Variants in MYO7B observed in about 807,000 individuals in gnomAD.
MYO7B encodes unconventional myosin-VIIb.
Under a neutral mutation model 259.7 loss-of-function variants are expected in MYO7B, and 212 were observed. The ratio of observed to expected loss-of-function variants is 0.82; its 90% CI spans 0.73 to 0.91. The LOEUF is 0.91. MYO7B is among the 40% of genes least tolerant of loss of function. MYO7B has a pLI of 0.00. For missense variants in MYO7B, 2,732 were observed against 2,813.5 expected (o/e 0.97, Z 0.66); for synonymous variants, 1,197 against 1,166.4 (o/e 1.03, Z -0.54).
Position 127,539,979 on chromosome 2 carries a change from C to T in MYO7B, c.-24+4148C>T, listed in dbSNP as rs1169869903. Among the ~76,000 whole-genome samples, 1 of 152,202 alleles carries T rather than the reference C, an allele frequency of 6.6e-6. No individual in the cohort carries two copies. Among genetic ancestry groups the T allele is most frequent in the Non-Finnish European group, 1.5e-5 (1 of 68,024 alleles). On this transcript the variant is annotated intron_variant, in intron 1 of 47. Transcript: ENST00000409816. The surrounding 1 kb of genome is among the most constrained non-coding windows in gnomAD (Gnocchi z 4.0). Reference sequence around the variant, plus strand: ...CTTCACTTAGAATAATGGCCTCCAGCTCCATCCAAGTAGCTGCCCAAGACA... The same window carrying T: ...CTTCACTTAGAATAATGGCCTCCAGTTCCATCCAAGTAGCTGCCCAAGACA...
chr2:127,553,662 A>G (rs939620183), intron 1 of MYO7B, among the ~76,000 whole-genome samples: 17 of 152,176 alleles, frequency 1.1e-4, no homozygotes, highest in African/African-American at 3.6e-4. Flanking sequence ...TTTTGGAGGA[A>G]TCTTTAGGGT....
At chr2:127,557,378 A>C (rs1677873614) in intron 1 of MYO7B, among the ~76,000 whole-genome samples, 1 of 151,912 alleles carries the variant, frequency 6.6e-6, no homozygotes, top group East Asian at 1.9e-4. Flanking sequence ...TTAATAATTG[A>C]CCTTCTGAAT....
Position 127,559,588 on chromosome 2 carries a change from C to T in MYO7B, c.-23-112C>T. The T allele has an allele frequency of 1.1e-6, 1 of 937,604 alleles. No homozygotes were observed. The allele number at this position is 937,604 out of a possible 1,614,324, so 58.1% of individuals were successfully genotyped here. On this transcript the variant is annotated intron_variant, in intron 1 of 47. Coordinates refer to ENST00000409816, the MANE Select transcript of MYO7B (RefSeq NM_001393586.1). This position sits in a 1 kb window ranked among gnomAD's most constrained non-coding sequence, Gnocchi z 4.1. ...ATTCAGCATTGTTTTTGAGCCAGGT[C>T]CCATGCCGGGCACTTAGGGAAGTGT...
intron 1 of MYO7B, among the ~76,000 whole-genome samples, chr2:127,558,808 G>A (rs781291469): frequency 6.6e-6 from 1 of 152,162 alleles, no homozygotes; most frequent in African/African-American, 2.4e-5. Flanking sequence ...ACCAAACATC[G>A]TATGTTCTCA....
intron 1 of MYO7B, among the ~76,000 whole-genome samples, chr2:127,557,271 G>A (rs934810688): frequency 2.0e-5 from 3 of 151,876 alleles, no homozygotes; most frequent in African/African-American, 4.8e-5. Flanking sequence ...TATTTATGCT[G>A]TCTGTTTCAA....
intron 3 of MYO7B, among the ~76,000 whole-genome samples, 198 bp from the exon 4 acceptor site, chr2:127,565,035 A>T (rs563309379): frequency 1.1e-3 from 172 of 152,294 alleles, no homozygotes; most frequent in Admixed American, 4.4e-3. Context: ...CCAGCCATAG[A>T]TGGACCGGAT....
intron 11 of MYO7B, 67 bp downstream of exon 11, chr2:127,582,077 C>A: frequency 1.9e-6 from 3 of 1,604,960 alleles, no homozygotes; most frequent in Non-Finnish European, 2.5e-6. Flanking sequence ...CTTGCTGTGC[C>A]GGTGGAGGGC....
At chr2:127,618,019 G>C (rs866572405) in intron 26 of MYO7B, among the ~76,000 whole-genome samples, 1 of 151,832 alleles carries the variant, frequency 6.6e-6, no homozygotes, top group African/African-American at 2.4e-5. Flanking sequence ...GTTAGTTCCC[G>C]CAAGTCCCTG....
At chr2:127,623,407 C>G in intron 29 of MYO7B, 32 bp downstream of exon 29, 1 of 1,526,856 alleles carries the variant, frequency 6.5e-7, no homozygotes, top group Non-Finnish European at 8.8e-7. Flanking sequence ...CGTCAGCCGC[C>G]TCCCTCATAC....
In MYO7B at chr2:127,566,801, C is replaced by A; in HGVS notation, c.444C>A (p.Asn148Lys). 1 of 1,611,290 alleles carries A rather than the reference C, an allele frequency of 6.2e-7. No individual in the cohort carries two copies. Among genetic ancestry groups the A allele is most frequent in the Non-Finnish European group, 8.5e-7 (1 of 1,179,766 alleles). The change falls in exon 5 of 48, where the codon AAC becomes AAA. Residue 148 changes from asparagine (N) to lysine (K), a missense_variant. Physicochemically the swap from Asn to Lys is moderately conservative, Grantham distance 94. Transcript: ENST00000409816. ...ACTGCTACTTCAGCATGAAGAGGAA[C>A]AAGAGGGACCAGTGCTGCATCATCA... Reference protein sequence around the residue: ...ANNCYFSMKRNKRDQCCIISG... With the variant: ...ANNCYFSMKRKKRDQCCIISG...
In MYO7B at chr2:127,584,092, C is replaced by A; in HGVS notation, c.1344-30C>A. 2 of 1,595,198 alleles carry A rather than the reference C, an allele frequency of 1.3e-6. No homozygotes were observed. On this transcript the variant is annotated intron_variant, in intron 12 of 47. Coordinates refer to ENST00000409816, the MANE Select transcript of MYO7B (RefSeq NM_001393586.1). This position sits in a 1 kb window ranked among gnomAD's most constrained non-coding sequence, Gnocchi z 5.8. ...AGCGGGGACTCAGCTGGCCCCACTCCACCCCTGGGCAGTGACCTTGCCTCC... is the reference window on the plus strand; with the variant it reads ...AGCGGGGACTCAGCTGGCCCCACTCAACCCCTGGGCAGTGACCTTGCCTCC...
chr2:127,582,568 A>C, intron 12 of MYO7B, 122 bp downstream of exon 12: 1 of 1,182,074 alleles, frequency 8.5e-7, no homozygotes, highest in South Asian at 1.5e-5. Flanking sequence ...GAGTCCCACC[A>C]GATCCGTGTG....
At chr2:127,629,539 C>G (rs1292029789) in intron 34 of MYO7B, 106 bp from the exon 35 acceptor site, 7 of 1,151,324 alleles carry the variant, frequency 6.1e-6, no homozygotes, top group African/African-American at 1.6e-5. Flanking sequence ...TTCTGCCCAC[C>G]ACTCTATGCC....
In MYO7B at chr2:127,584,080, CT is replaced by C; in HGVS notation, c.1344-41del. On this transcript the variant is annotated intron_variant, in intron 12 of 47. Transcript: ENST00000409816. This position sits in a 1 kb window ranked among gnomAD's most constrained non-coding sequence, Gnocchi z 5.8. The stretch of plus-strand genomic sequence containing the variant: ...CCAGCCTGCTGCAGCGGGGACTCAG[CT>C]GGCCCCACTCCACCCCTGGGCAGTG... The C allele has an allele frequency of 6.4e-7, 1 of 1,568,384 alleles. No individual in the cohort carries two copies.
Position 127,636,392 on chromosome 2 carries a change from C to T in MYO7B, c.6123+68C>T, listed in dbSNP as rs1169972555. ...CCGCTCAGCCCAGCCCCAGCAGGCC[C>T]AGCGTCAACCAGCACACATCTTGGG... On this transcript the variant is annotated intron_variant, in intron 45 of 47. Coordinates refer to ENST00000409816, the MANE Select transcript of MYO7B (RefSeq NM_001393586.1). The surrounding 1 kb of genome is among the most constrained non-coding windows in gnomAD (Gnocchi z 4.5). The T allele has an allele frequency of 1.3e-6, 2 of 1,486,256 alleles. No homozygotes were observed. Among genetic ancestry groups the T allele is most frequent in the African/African-American group, 1.4e-5 (1 of 72,242 alleles). The allele number at this position is 1,486,256 out of a possible 1,614,324, so 92.1% of individuals were successfully genotyped here. A position where few individuals can be genotyped will look rare whatever the true frequency, so the allele number is the denominator to read the frequency against.
At position 127,559,726 on chromosome 2, in the gene MYO7B, T is replaced by G. The variant is rs747796244; in HGVS notation, c.4T>G (p.Ser2Ala). The G allele has an allele frequency of 1.2e-6, 2 of 1,613,828 alleles. No individual in the cohort carries two copies. Among genetic ancestry groups the G allele is most frequent in the Non-Finnish European group, 1.7e-6 (2 of 1,179,888 alleles). The change falls in exon 2 of 48, where the codon TCG (serine) becomes GCG (alanine). Residue 2 changes from serine (S) to alanine (A), a missense_variant. Around this residue, in one of 3 missense-constraint regions of MYO7B, gnomAD observed 1,906 missense variants for 2,026.4 expected, o/e 0.94. Transcript: ENST00000409816. This position sits in a 1 kb window ranked among gnomAD's most constrained non-coding sequence, Gnocchi z 4.1. M[S>A]GFRLGDHVWL... ...CTTGTGGAACTGCTGACTCAGGATG[T>G]CGGGGTTCAGGCTGGTAAGAATTGT... is the stretch of plus-strand genomic sequence containing the variant.
Position 127,632,338 on chromosome 2 carries a change from T to C in MYO7B, c.5342T>C (p.Ile1781Thr), listed in dbSNP as rs893051824. The C allele has an allele frequency of 1.1e-5, 17 of 1,605,760 alleles. No individual in the cohort carries two copies. Among genetic ancestry groups the C allele is most frequent in the Middle Eastern group, 1.7e-4 (1 of 6,022 alleles). The stretch of plus-strand genomic sequence containing the variant: ...CTGCTGCCCCATGCCCAGAAGTTTA[T>C]AGACACTCGGAGGGGGAAGCTGCTG... Reference protein sequence around the residue: ...KGLLPHAQKFIDTRRGKLLAP... With the variant: ...KGLLPHAQKFTDTRRGKLLAP... Residue 1781 changes from isoleucine (I) to threonine (T), a missense_variant, in exon 39 of 48, where the codon ATA becomes ACA. Ile to Thr is a moderately conservative substitution (Grantham distance 89). This residue lies in a region of MYO7B where 821 missense variants were observed against 769.3 expected (regional missense o/e 1.07). Coordinates refer to ENST00000409816, the MANE Select transcript of MYO7B (RefSeq NM_001393586.1).
chr2:127,615,858 C>T lies in MYO7B; in HGVS notation c.3398+3255C>T, dbSNP rs771186667. 1.2e-4 allele frequency among the ~76,000 whole-genome samples: 18 copies of T among 152,182 alleles called. No homozygotes were observed. The highest frequency in any genetic ancestry group is 1.6e-4 in the Non-Finnish European group (11 of 68,048). The stretch of plus-strand genomic sequence containing the variant: ...GCCAGTTGGTGGTTTGTTCCGTCTT[C>T]GCATTCAGCTGGTACTGGGGGAACC... On this transcript the variant is annotated intron_variant, in intron 26 of 47. Transcript: ENST00000409816. The surrounding 1 kb of genome is among the most constrained non-coding windows in gnomAD (Gnocchi z 4.4).
chr2:127,635,835 T>A lies in MYO7B; in HGVS notation c.5934T>A (p.Ser1978Arg), dbSNP rs1376107500. Residue 1978 changes from serine to arginine, a missense_variant, in exon 44 of 48, where the codon AGT (serine) becomes AGA (arginine). Physicochemically the swap from Ser to Arg is moderately radical, Grantham distance 110. Around this residue, in one of 3 missense-constraint regions of MYO7B, gnomAD observed 821 missense variants for 769.3 expected, o/e 1.07. Transcript: ENST00000409816. ...QFNNDRSQLA[S>R]VPKILRELVP... ...ACAACGACCGGTCCCAGCTGGCTAG[T>A]GTCCCCAAGATCCTGAGGGAACTGG... 2 of 1,585,092 alleles carry A rather than the reference T, an allele frequency of 1.3e-6. No individual in the cohort carries two copies. The highest frequency in any genetic ancestry group is 2.7e-5 in the African/African-American group (2 of 74,154).
Sources: gnomAD v4.1 joint callset for allele counts (sites outside exome capture counted in the v4.1 genomes callset) on GRCh38, gnomAD v4.1.1 for gene constraint, gnomAD v4.1.1 regional missense constraint, Gnocchi (gnomAD v3.1) non-coding constraint, MANE v1.5 for transcripts, NCBI Gene and HGNC (gene_info 2026-07-23, HGNC 2026-07-21) for gene names.